The following HS1BP3 variants were observed in gnomAD, a reference collection of about 807,000 sequenced individuals.
The protein encoded by HS1BP3 is HCLS1 binding protein 3.
Under a neutral mutation model 33.5 loss-of-function variants are expected in HS1BP3, and 32 were observed. The observed-to-expected ratio is 0.95, with a 90% CI of 0.72 to 1.28. The LOEUF (loss-of-function observed/expected upper bound fraction) is 1.28, where lower values mean the gene tolerates loss of function less well. HS1BP3 is among the 50% of genes most tolerant of loss of function. HS1BP3 has a pLI of 0.00. For synonymous variants in HS1BP3, 187 were observed against 209.2 expected (o/e 0.89, Z 0.92); for missense variants, 486 against 502.3 (o/e 0.97, Z 0.31).
chr2:20,629,783 G>A (rs1192507266), intron 4 of HS1BP3, among the ~76,000 whole-genome samples: 1 of 152,246 alleles, frequency 6.6e-6, no homozygotes, highest in East Asian at 1.9e-4. Context: ...CGCAGACCAG[G>A]CCATGTTCTG....
downstream of HS1BP3, among the ~76,000 whole-genome samples, chr2:20,591,650 C>T (rs566119748): frequency 2.0e-5 from 3 of 152,340 alleles, no homozygotes; most frequent in South Asian, 6.2e-4. Flanking sequence ...TGGCTCATTG[C>T]AACCTCTGCC....
At chr2:20,554,769 G>C in the HS1BP3 span, among the ~76,000 whole-genome samples, 1 of 150,482 alleles carries the variant, frequency 6.6e-6, no homozygotes, top group Non-Finnish European at 1.5e-5. Flanking sequence ...CCTATATGAA[G>C]TGATGAACTG....
chr2:20,558,443 A>C (rs566525861), downstream of HS1BP3, among the ~76,000 whole-genome samples: 40 of 152,206 alleles, frequency 2.6e-4, no homozygotes, highest in South Asian at 2.7e-3. Context: ...AGCATCTTTG[A>C]GGTCAGTGGG....
chr2:20,571,410 G>C (rs1693270570), intron 5 of HS1BP3, among the ~76,000 whole-genome samples: 1 of 152,182 alleles, frequency 6.6e-6, no homozygotes, highest in African/African-American at 2.4e-5. Flanking sequence ...AGGCCTGTGA[G>C]GCAGCCCGGG....
chr2:20,585,311 T>C (rs1307897321), intron 5 of HS1BP3, among the ~76,000 whole-genome samples: 2 of 152,228 alleles, frequency 1.3e-5, no homozygotes, highest in Non-Finnish European at 2.9e-5. Flanking sequence ...TGTGGCCATA[T>C]GCCCCCATTT....
chr2:20,590,551 A>G (rs1401231815), downstream of HS1BP3, among the ~76,000 whole-genome samples: 1 of 152,182 alleles, frequency 6.6e-6, no homozygotes, highest in Non-Finnish European at 1.5e-5. Context: ...CAACCTCATT[A>G]GGTCACGTCC....
chr2:20,554,309 G>A, the HS1BP3 span, among the ~76,000 whole-genome samples: 2 of 152,176 alleles, frequency 1.3e-5, no homozygotes, highest in Non-Finnish European at 2.9e-5. Context: ...TGAGGTCACT[G>A]GTCATGCGTC....
intron 2 of HS1BP3, among the ~76,000 whole-genome samples, chr2:20,598,518 A>ACAGGC (rs1212060172): frequency 2.8e-5 from 4 of 144,904 alleles, no homozygotes; most frequent in Non-Finnish European, 6.0e-5. Flanking sequence ...CCGGTTCCTA[A>ACAGGC]CAGGCCAGGG....
chr2:20,642,731 G>T (rs891627772), intron 2 of HS1BP3, among the ~76,000 whole-genome samples: 1 of 152,236 alleles, frequency 6.6e-6, no homozygotes, highest in Non-Finnish European at 1.5e-5. Context: ...CAGGGGTTCA[G>T]GCAGGGCTTC....
intron 1 of HS1BP3, among the ~76,000 whole-genome samples, 192 bp from the exon 2 acceptor site, chr2:20,645,697 C>T (rs1373193059): frequency 6.6e-6 from 1 of 152,194 alleles, no homozygotes; most frequent in South Asian, 2.1e-4. Context: ...TCCCAGGCCT[C>T]GAGGCCTCGG....
chr2:20,564,541 TGG>T (rs1179435826), intron 5 of HS1BP3, among the ~76,000 whole-genome samples: 1 of 152,168 alleles, frequency 6.6e-6, no homozygotes. Flanking sequence ...TGGAGTGCAG[TGG>T]TATGATCTTG....
At chr2:20,641,809 C>T (rs1197414824) in intron 2 of HS1BP3, among the ~76,000 whole-genome samples, 1 of 152,218 alleles carries the variant, frequency 6.6e-6, no homozygotes, top group Non-Finnish European at 1.5e-5. Context: ...CCCGTGGGGC[C>T]AGCGGCTGAC....
rs182156835 is a variant in HS1BP3, at chr2:20,621,602, T to C, written c.920+2294A>G. On this transcript the variant is annotated intron_variant, in intron 6 of 6. Transcript: ENST00000304031. ...CTCCACTGGCATGATGCAGCCTCCA[T>C]TGAAGGCTGAGGGTACCTGGGAAAA... Among the ~76,000 whole-genome samples, 822 of 152,338 alleles carry C rather than the reference T, an allele frequency of 5.4e-3. 34 individuals are homozygous for C. The highest frequency in any genetic ancestry group is 0.049 in the Admixed American group (747 of 15,308).
At chr2:20,641,579 G>A (rs73237135) in intron 2 of HS1BP3, among the ~76,000 whole-genome samples, 2,096 of 152,318 alleles carry the variant, frequency 0.014, 39 homozygotes, top group African/African-American at 0.046. Flanking sequence ...TGAATCATCT[G>A]TTCTCAGCAC....
At chr2:20,643,189 C>T (rs773349278) in intron 2 of HS1BP3, among the ~76,000 whole-genome samples, 4 of 152,204 alleles carry the variant, frequency 2.6e-5, no homozygotes, top group Admixed American at 6.5e-5. Context: ...AGCCCCTGCA[C>T]GCACACACTC....
chr2:20,629,365 C>G (rs924105323), intron 4 of HS1BP3, among the ~76,000 whole-genome samples: 1 of 152,374 alleles, frequency 6.6e-6, no homozygotes, highest in South Asian at 2.1e-4. Flanking sequence ...GGCGCAGGGC[C>G]TGGCTCTGCA....
chr2:20,580,301 C>T (rs1463202445), intron 5 of HS1BP3, among the ~76,000 whole-genome samples: 4 of 152,208 alleles, frequency 2.6e-5, no homozygotes, highest in Non-Finnish European at 5.9e-5. Flanking sequence ...GGTGGATTGC[C>T]TCAGCTCAGA....
chr2:20,566,714 C>A (rs1184759735), intron 5 of HS1BP3, among the ~76,000 whole-genome samples: 2 of 151,832 alleles, frequency 1.3e-5, no homozygotes, highest in Admixed American at 6.6e-5. Context: ...TCAAGCGATT[C>A]TCCTGCCTCA....
chr2:20,648,322 C>T (rs1695579989), intron 1 of HS1BP3, among the ~76,000 whole-genome samples: 1 of 152,166 alleles, frequency 6.6e-6, no homozygotes, highest in African/African-American at 2.4e-5. Context: ...CCTGTTTGAT[C>T]TTGAACCCTT....
Sources: allele counts gnomAD v4.1 joint callset (sites outside exome capture counted in the v4.1 genomes callset), GRCh38; gene constraint gnomAD v4.1.1; transcripts MANE v1.5; gene names NCBI Gene and HGNC (gene_info 2026-07-23, HGNC 2026-07-21).